WWOX: variants seen among roughly 807,000 people sequenced by gnomAD.
WWOX encodes WW domain-containing oxidoreductase.
WWOX carries 69 observed loss-of-function variants against 46.2 expected under a neutral mutation model. The observed-to-expected ratio is 1.49, with a 90% CI of 1.23 to 1.82. The LOEUF is 1.82. Ranked by LOEUF, WWOX falls within the 40% of genes most tolerant of loss-of-function variation. The pLI, the probability that WWOX is intolerant of heterozygous loss-of-function variation, is 0.00. For synonymous variants in WWOX, 359 were observed against 202.6 expected, an observed-to-expected ratio of 1.77 and a Z score of -6.56; for missense variants, 919 against 542.6, an observed-to-expected ratio of 1.69 and a Z score of -6.89.
At chr16:78,819,290 A>T (rs1042922252) in intron 8 of WWOX, among the ~76,000 whole-genome samples, 16 of 152,152 alleles carry the variant, frequency 1.1e-4, no homozygotes, top group Non-Finnish European at 2.4e-4. Context: ...ACTCAACTCC[A>T]TAGACAGGGC....
intron 8 of WWOX, among the ~76,000 whole-genome samples, chr16:79,167,477 G>A (rs1338161454): frequency 6.6e-6 from 1 of 152,154 alleles, no homozygotes; most frequent in Non-Finnish European, 1.5e-5. Context: ...TGGGAGGTAA[G>A]GAGCTGGCAT....
intron 8 of WWOX, among the ~76,000 whole-genome samples, chr16:78,678,082 C>T (rs771048468): frequency 6.6e-6 from 1 of 152,178 alleles, no homozygotes; most frequent in Non-Finnish European, 1.5e-5. Context: ...TGTCTACTTG[C>T]TAATTGTCTC....
At chr16:78,449,763 A>C (rs181633473) in intron 8 of WWOX, among the ~76,000 whole-genome samples, 110 of 152,328 alleles carry the variant, frequency 7.2e-4, no homozygotes, top group Middle Eastern at 3.4e-3. Flanking sequence ...AATGTATCCT[A>C]AAGTCAAGTA....
At chr16:78,540,003 C>G (rs924640421) in intron 8 of WWOX, among the ~76,000 whole-genome samples, 20 of 114,744 alleles carry the variant, frequency 1.7e-4, no homozygotes, top group Non-Finnish European at 3.6e-4. Context: ...CTCTTTCTCT[C>G]TCTCTCTCTC....
At chr16:78,458,910 T>A (rs2151421213) in intron 8 of WWOX, among the ~76,000 whole-genome samples, 1 of 152,264 alleles carries the variant, frequency 6.6e-6, no homozygotes, top group South Asian at 2.1e-4. Context: ...AAAAAATCTT[T>A]CATTTCCAAC....
At chr16:78,983,150 A>T (rs1205462865) in intron 8 of WWOX, among the ~76,000 whole-genome samples, 1 of 152,226 alleles carries the variant, frequency 6.6e-6, no homozygotes, top group Non-Finnish European at 1.5e-5. Context: ...CCAAGGCATC[A>T]AACTCCATCG....
intron 8 of WWOX, among the ~76,000 whole-genome samples, chr16:78,949,993 CAGATG>C (rs1303200006): frequency 6.6e-6 from 1 of 152,222 alleles, no homozygotes; most frequent in African/African-American, 2.4e-5. Context: ...TCCCATTTGA[CAGATG>C]AGAGGACTGA....
At chr16:78,929,437 A>G (rs1432106335) in intron 8 of WWOX, among the ~76,000 whole-genome samples, 1 of 152,192 alleles carries the variant, frequency 6.6e-6, no homozygotes, top group African/African-American at 2.4e-5. Context: ...AGGATTTTGA[A>G]GAGGAACTGC....
At chr16:79,152,941 G>C (rs1450605604) in intron 8 of WWOX, among the ~76,000 whole-genome samples, 5 of 152,156 alleles carry the variant, frequency 3.3e-5, no homozygotes, top group Non-Finnish European at 7.3e-5. Context: ...GGTGGAAAGA[G>C]AGGACTGCTC....
At chr16:79,052,356 A>G (rs2048184478) in intron 8 of WWOX, among the ~76,000 whole-genome samples, 1 of 152,216 alleles carries the variant, frequency 6.6e-6, no homozygotes, top group Non-Finnish European at 1.5e-5. Context: ...ATGTCCCTAC[A>G]AAGGACATGA....
intron 8 of WWOX, among the ~76,000 whole-genome samples, chr16:79,115,466 A>G (rs1454050074): frequency 1.3e-5 from 2 of 152,158 alleles, no homozygotes; most frequent in Admixed American, 6.5e-5. Flanking sequence ...TGCTCTTGTT[A>G]TAAGCCAGCC....
intron 8 of WWOX, among the ~76,000 whole-genome samples, chr16:79,126,659 A>G (rs996593039): frequency 6.6e-6 from 1 of 152,198 alleles, no homozygotes; most frequent in Non-Finnish European, 1.5e-5. Flanking sequence ...TCTGTGTAGC[A>G]GTGTAAGAAC....
At chr16:78,232,628 C>G (rs916584837) in intron 5 of WWOX, among the ~76,000 whole-genome samples, 3 of 152,102 alleles carry the variant, frequency 2.0e-5, no homozygotes, top group Non-Finnish European at 2.9e-5. Flanking sequence ...GAGATTATCT[C>G]CAGGGGCTGA....
intron 8 of WWOX, among the ~76,000 whole-genome samples, chr16:78,575,149 A>T (rs1459677497): frequency 1.6e-5 from 2 of 125,654 alleles, no homozygotes; most frequent in Non-Finnish European, 3.4e-5. Flanking sequence ...TTTTGAGAAA[A>T]ACTTTGCATA....
rs906491956 is a variant in WWOX, at chr16:78,991,201, C to T, written c.1057-220407C>T. On this transcript the variant is annotated intron_variant, in intron 8 of 8. Coordinates refer to ENST00000566780, the MANE Select transcript of WWOX (RefSeq NM_016373.4). ...AAGAAATTTGGAGAAATTCTCACCACTGTGCTTAGGAGTCACCCTGAACTA... is the reference window on the plus strand; with the variant it reads ...AAGAAATTTGGAGAAATTCTCACCATTGTGCTTAGGAGTCACCCTGAACTA... Among the ~76,000 whole-genome samples the T allele has an allele frequency of 2.6e-5, 4 of 152,180 alleles. No individual in the cohort carries two copies. In the East Asian group the frequency reaches 5.8e-4, roughly 22 times the overall value.
At chr16:79,201,755 C>G (rs2051356967) in intron 8 of WWOX, among the ~76,000 whole-genome samples, 1 of 147,882 alleles carries the variant, frequency 6.8e-6, no homozygotes, top group East Asian at 1.9e-4. Flanking sequence ...GTCTTCCTGA[C>G]TTTTTTCTTC....
chr16:78,584,743 G>T (rs1043262389), intron 8 of WWOX, among the ~76,000 whole-genome samples: 5 of 152,208 alleles, frequency 3.3e-5, no homozygotes, highest in African/African-American at 1.2e-4. Flanking sequence ...ATCTTAAAGG[G>T]GCAGGAAGGA....
chr16:78,726,120 C>CCTCTCTCCCTCT (rs1597498962), intron 8 of WWOX, among the ~76,000 whole-genome samples: 2 of 137,666 alleles, frequency 1.5e-5, no homozygotes, highest in East Asian at 4.5e-4. Flanking sequence ...TCTCTGCCTC[C>CCTCTCTCCCTCT]CTCTCTCCCT....
intron 8 of WWOX, among the ~76,000 whole-genome samples, chr16:78,840,515 G>A (rs1001171384): frequency 5.9e-5 from 9 of 152,168 alleles, no homozygotes; most frequent in Admixed American, 2.0e-4. Flanking sequence ...TGTCTACAGA[G>A]CCAGTGGTTT....
Sources: allele counts gnomAD v4.1 joint callset (sites outside exome capture counted in the v4.1 genomes callset), GRCh38; gene constraint gnomAD v4.1.1; transcripts MANE v1.5; gene names NCBI Gene and HGNC (gene_info 2026-07-23, HGNC 2026-07-21).